ITGA9: variants seen among roughly 807,000 people sequenced by gnomAD.
ITGA9 encodes integrin alpha-9.
ITGA9 carries 56 observed loss-of-function variants against 127.8 expected under a neutral mutation model. That is an observed-to-expected ratio of 0.44 (90% CI 0.35 to 0.55). ITGA9 has a LOEUF of 0.55. Among genes scored for constraint, ITGA9 ranks in the 20% least tolerant of loss-of-function variants. The pLI is 0.00. For synonymous variants in ITGA9, 508 were observed against 514.5 expected (o/e 0.99, Z 0.17); for missense variants, 1,196 against 1,347.1 (o/e 0.89, Z 1.76).
intron 15 of ITGA9, chr3:37,585,690 C>T (rs757381020): frequency 4.5e-5 from 23 of 507,776 alleles, no homozygotes; most frequent in African/African-American, 2.1e-4. Context: ...ACAGGTGAAA[C>T]GTAACAATAG....
chr3:37,793,090 T>G (rs902129767), intron 26 of ITGA9, among the ~76,000 whole-genome samples: 1 of 151,998 alleles, frequency 6.6e-6, no homozygotes, highest in South Asian at 2.1e-4. Context: ...AATCAAAGTT[T>G]CCAGTCGTCA....
intron 1 of ITGA9, among the ~76,000 whole-genome samples, chr3:37,461,734 T>A (rs1430808502): frequency 1.3e-5 from 2 of 152,240 alleles, no homozygotes; most frequent in African/African-American, 4.8e-5. Flanking sequence ...TTTTGTGCAT[T>A]CATTTACACC....
chr3:37,539,781 G>GT (rs1699247881), intron 14 of ITGA9, among the ~76,000 whole-genome samples: 1 of 152,204 alleles, frequency 6.6e-6, no homozygotes, highest in African/African-American at 2.4e-5. Flanking sequence ...CAAATAGAGG[G>GT]TGTCTTATTG....
chr3:37,538,731 A>G (rs1442566983), intron 14 of ITGA9, among the ~76,000 whole-genome samples: 3 of 152,072 alleles, frequency 2.0e-5, no homozygotes, highest in Admixed American at 1.3e-4. Context: ...AGGGCTTTGG[A>G]ATGAGTGGTC....
intron 15 of ITGA9, among the ~76,000 whole-genome samples, chr3:37,609,633 A>C (rs1439705095): frequency 6.6e-6 from 1 of 152,206 alleles, no homozygotes; most frequent in African/African-American, 2.4e-5. Flanking sequence ...GATGTAAAAC[A>C]ACAGCAATTT....
intron 16 of ITGA9, among the ~76,000 whole-genome samples, chr3:37,651,237 AG>A (rs1559558377): frequency 6.6e-6 from 1 of 151,536 alleles, no homozygotes; most frequent in Non-Finnish European, 1.5e-5. Flanking sequence ...AGCCAGTTTC[AG>A]GGACAGGAAA....
intron 15 of ITGA9, among the ~76,000 whole-genome samples, chr3:37,626,036 T>C (rs1485177211): frequency 6.6e-6 from 1 of 152,192 alleles, no homozygotes; most frequent in African/African-American, 2.4e-5. Context: ...CAAAATAAGA[T>C]ATGCCACGAC....
intron 15 of ITGA9, among the ~76,000 whole-genome samples, chr3:37,550,335 C>A (rs1319608236): frequency 6.6e-6 from 1 of 152,228 alleles, no homozygotes; most frequent in Non-Finnish European, 1.5e-5. Context: ...TGAGAGACTT[C>A]ACTGCCTCTT....
intron 17 of ITGA9, among the ~76,000 whole-genome samples, chr3:37,668,796 C>T (rs544892606): frequency 6.6e-6 from 1 of 152,352 alleles, no homozygotes; most frequent in South Asian, 2.1e-4. Context: ...AAGAAGGCTG[C>T]CCTGTGGCTC....
chr3:37,473,298 C>T (rs963812656), intron 2 of ITGA9, 56 bp from the exon 3 acceptor site: 27 of 1,399,356 alleles, frequency 1.9e-5, no homozygotes, highest in Non-Finnish European at 2.7e-5. Context: ...CCTTTGAAAG[C>T]AGCCAGCAGA....
chr3:37,719,215 G>A (rs1238502260), intron 18 of ITGA9, among the ~76,000 whole-genome samples: 1 of 152,120 alleles, frequency 6.6e-6, no homozygotes, highest in South Asian at 2.1e-4. Flanking sequence ...AGAAAGGGAG[G>A]AAGGATCATC....
At chr3:37,805,146 G>T (rs958190585) in intron 27 of ITGA9, among the ~76,000 whole-genome samples, 3 of 151,898 alleles carry the variant, frequency 2.0e-5, no homozygotes, top group Non-Finnish European at 2.9e-5. Context: ...TAACTCCTGG[G>T]CTCAAGCTGT....
intron 23 of ITGA9, among the ~76,000 whole-genome samples, chr3:37,761,451 C>T (rs1323575962): frequency 6.6e-6 from 1 of 152,104 alleles, no homozygotes; most frequent in Non-Finnish European, 1.5e-5. Flanking sequence ...TTTGGTGAAG[C>T]AGAATATAAC....
In ITGA9 at chr3:37,776,393, G is replaced by A. The variant is rs144915635; in HGVS notation, c.2542-999G>A. Among the ~76,000 whole-genome samples, 405 of 152,238 alleles carry A rather than the reference G, an allele frequency of 2.7e-3. 5 individuals carry two copies. In the Middle Eastern group the frequency reaches 0.044, roughly 17 times the overall value. On this transcript the variant is annotated intron_variant, in intron 23 of 27. Transcript: ENST00000264741. Reference sequence around the variant, plus strand: ...TTTTGTTCCCTACCATGAATAAAAAGTTGAAACATTCTTGAACAACTATAT... The same window carrying A: ...TTTTGTTCCCTACCATGAATAAAAAATTGAAACATTCTTGAACAACTATAT...
intron 16 of ITGA9, among the ~76,000 whole-genome samples, chr3:37,639,074 G>A (rs1057142021): frequency 1.6e-4 from 24 of 152,124 alleles, no homozygotes; most frequent in Admixed American, 1.3e-3. Flanking sequence ...GAGCTTGAAT[G>A]CTACAAGCCT....
chr3:37,713,674 C>T (rs1701102750), intron 18 of ITGA9, among the ~76,000 whole-genome samples: 1 of 152,200 alleles, frequency 6.6e-6, no homozygotes, highest in Non-Finnish European at 1.5e-5. Context: ...AAAGAAAACT[C>T]GCTTTGCCTT....
At chr3:37,699,915 C>A (rs1376822191) in intron 18 of ITGA9, among the ~76,000 whole-genome samples, 1 of 152,190 alleles carries the variant, frequency 6.6e-6, no homozygotes, top group African/African-American at 2.4e-5. Context: ...TCCTACTACT[C>A]CAAACACCCT....
chr3:37,731,864 G>T (rs971743708), intron 18 of ITGA9, among the ~76,000 whole-genome samples: 1 of 152,160 alleles, frequency 6.6e-6, no homozygotes, highest in Non-Finnish European at 1.5e-5. Flanking sequence ...TTACCAGTTG[G>T]ACACAAAATA....
At chr3:37,716,876 A>G in intron 18 of ITGA9, among the ~76,000 whole-genome samples, 1 of 152,132 alleles carries the variant, frequency 6.6e-6, no homozygotes, top group Non-Finnish European at 1.5e-5. Context: ...TTAAAAATAC[A>G]AAAGGGACAC....
Sources: allele counts gnomAD v4.1 joint callset (sites outside exome capture counted in the v4.1 genomes callset), GRCh38; gene constraint gnomAD v4.1.1; transcripts MANE v1.5; gene names NCBI Gene and HGNC (gene_info 2026-07-23, HGNC 2026-07-21).